The following GEMIN5 variants were observed in gnomAD, a reference collection of about 807,000 sequenced individuals.
The protein encoded by GEMIN5 is gem nuclear organelle associated protein 5.
Under a neutral mutation model 176.9 loss-of-function variants are expected in GEMIN5, and 124 were observed. The observed-to-expected ratio is 0.70, with a 90% CI of 0.61 to 0.81. The LOEUF (loss-of-function observed/expected upper bound fraction) is 0.81, where lower values mean the gene tolerates loss of function less well. Ranked by LOEUF, GEMIN5 falls within the 40% of genes least tolerant of loss-of-function variation. The pLI is 0.00. For missense variants in GEMIN5, 1,843 were observed against 1,814.6 expected (o/e 1.02, Z -0.28); for synonymous variants, 673 against 665.2 (o/e 1.01, Z -0.18).
chr5:154,897,340 G>C (rs1452358191), intron 23 of GEMIN5, among the ~76,000 whole-genome samples: 2 of 152,138 alleles, frequency 1.3e-5, no homozygotes, highest in Non-Finnish European at 2.9e-5. Flanking sequence ...TATCTAAAGT[G>C]AATCAAATGT....
intron 6 of GEMIN5, among the ~76,000 whole-genome samples, chr5:154,928,189 G>C (rs1561727837): frequency 6.6e-6 from 1 of 152,174 alleles, no homozygotes; most frequent in Non-Finnish European, 1.5e-5. Flanking sequence ...TCCAACCTAA[G>C]AGAAAATATT....
At chr5:154,923,619 T>C (rs1156931086) in intron 9 of GEMIN5, among the ~76,000 whole-genome samples, 2 of 152,264 alleles carry the variant, frequency 1.3e-5, no homozygotes, top group Non-Finnish European at 2.9e-5. Flanking sequence ...ATCTGAATTT[T>C]ATTTAATCTT....
chr5:154,922,330 G>A (rs1216263537), intron 9 of GEMIN5, among the ~76,000 whole-genome samples: 1 of 152,058 alleles, frequency 6.6e-6, no homozygotes, highest in East Asian at 1.9e-4. Context: ...ACCAAGCCCG[G>A]CTAATTTTTT....
At chr5:154,913,104 C>G in intron 13 of GEMIN5, 66 bp from the exon 14 acceptor site, 1 of 1,315,284 alleles carries the variant, frequency 7.6e-7, no homozygotes, top group Non-Finnish European at 1.1e-6. Flanking sequence ...CAAAGTACAT[C>G]CAGGAAGGCA....
chr5:154,901,443 T>A lies in GEMIN5; in HGVS notation c.2910A>T (p.Lys970Asn). 6.2e-7 allele frequency: 1 copy of A among 1,614,078 alleles called. No homozygotes were observed. Among genetic ancestry groups the A allele is most frequent in the Non-Finnish European group, 8.5e-7 (1 of 1,179,956 alleles). Reference protein sequence around the residue: ...VWLWAVEAFAKQLCFQDQYVK... With the variant: ...VWLWAVEAFANQLCFQDQYVK... ...CATACTGATCCTGAAAACACAGCTG[T>A]TTGGCAAAAGCTTCCACAGCCCATA... Residue 970 changes from lysine (K) to asparagine (N), a missense_variant, in exon 21 of 28, where the codon AAA (lysine) becomes AAT (asparagine). By Grantham distance (94) the Lys-to-Asn change is moderately conservative. Coordinates refer to ENST00000285873, the MANE Select transcript of GEMIN5 (RefSeq NM_015465.5).
intron 3 of GEMIN5, among the ~76,000 whole-genome samples, chr5:154,935,623 A>C (rs1214381560): frequency 6.6e-6 from 1 of 152,194 alleles, no homozygotes; most frequent in Non-Finnish European, 1.5e-5. Flanking sequence ...GATCCGAAAA[A>C]CGAAGAAAGT....
intron 23 of GEMIN5, among the ~76,000 whole-genome samples, chr5:154,897,299 TAAA>T (rs961648640): frequency 1.3e-5 from 2 of 152,166 alleles, no homozygotes; most frequent in African/African-American, 4.8e-5. Context: ...ATGAAGAACT[TAAA>T]AAACCTCTTG....
intron 15 of GEMIN5, 84 bp from the exon 16 acceptor site, chr5:154,907,902 C>T (rs1229099897): frequency 1.2e-6 from 1 of 866,536 alleles, no homozygotes; most frequent in Non-Finnish European, 1.9e-6. Context: ...ATATCTCATT[C>T]CTCTTTAATA....
chr5:154,890,882 GCCC>G (rs1248888147), intron 26 of GEMIN5, among the ~76,000 whole-genome samples: 1 of 152,092 alleles, frequency 6.6e-6, no homozygotes, highest in Non-Finnish European at 1.5e-5. Flanking sequence ...TCTGGCCTCA[GCCC>G]CCCAAGTAGC....
At position 154,917,986 on chromosome 5, in the gene GEMIN5, T is replaced by C. The variant is rs1763847293; in HGVS notation, c.1618A>G (p.Thr540Ala). ...CCATCTGCTTTCCAACTTATCTCTG[T>C]GTGTACAGGCAATTTGTACTAGAAA... ...NSIKYKLPVH[T>A]EISWKADGKI... Residue 540 changes from threonine (T) to alanine (A), a missense_variant, in exon 12 of 28, where the codon ACA becomes GCA. Coordinates refer to ENST00000285873, the MANE Select transcript of GEMIN5 (RefSeq NM_015465.5). 1.9e-6 allele frequency: 3 copies of C among 1,610,876 alleles called. No individual in the cohort carries two copies. The highest frequency in any genetic ancestry group is 2.2e-5 in the South Asian group (2 of 91,020).
intron 18 of GEMIN5, 77 bp from the exon 19 acceptor site, chr5:154,903,252 T>C: frequency 1.0e-6 from 1 of 958,752 alleles, no homozygotes; most frequent in Non-Finnish European, 1.7e-6. Flanking sequence ...AACTTCCGAA[T>C]ATATGTTTGG....
At position 154,907,496 on chromosome 5, in the gene GEMIN5, T is replaced by C. The variant is rs1012312434; in HGVS notation, c.2395+95A>G. On this transcript the variant is annotated intron_variant, in intron 16 of 27. Transcript: ENST00000285873. ...ATGCTGTTTCCAAGAGTTGGAAAAA[T>C]GGGAACAGCGAAGTTTCAAACTGAG... 1.3e-4 allele frequency: 92 copies of C among 729,016 alleles called. 1 individual carries two copies. Among genetic ancestry groups the C allele is most frequent in the Non-Finnish European group, 1.9e-4 (85 of 452,614 alleles). 45.2% of individuals were successfully genotyped at this position (729,016 alleles called of 1,614,324 possible). A position where few individuals can be genotyped will look rare whatever the true frequency, so the allele number is the denominator to read the frequency against.
Position 154,887,640 on chromosome 5 carries a change from C to G in GEMIN5, c.*570G>C, listed in dbSNP as rs1763137591. ...TACATGAAAGAATAAAACCAAATTT[C>G]CAACCTAAAATTCTGACAGGAGAGT... is the stretch of plus-strand genomic sequence containing the variant. On this transcript the variant is annotated 3_prime_UTR_variant, in exon 28 of 28. Transcript: ENST00000285873. 6.6e-6 allele frequency: 1 copy of G among 152,210 alleles called. No homozygotes were observed. Among genetic ancestry groups the G allele is most frequent in the African/African-American group, 2.4e-5 (1 of 41,438 alleles). 9.4% of individuals were successfully genotyped at this position (152,210 alleles called of 1,614,324 possible).
chr5:154,899,066 A>C lies in GEMIN5; in HGVS notation c.3134+125T>G, dbSNP rs1002078093. 6 of 902,260 alleles carry C rather than the reference A, an allele frequency of 6.6e-6. No individual in the cohort carries two copies. The African/African-American group carries it at 6.7e-5, about 10-fold the overall frequency. The allele number at this position is 902,260 out of a possible 1,614,324, so 55.9% of individuals were successfully genotyped here. A position where few individuals can be genotyped will look rare whatever the true frequency, so the allele number is the denominator to read the frequency against. On this transcript the variant is annotated intron_variant, in intron 22 of 27. Transcript: ENST00000285873. ...TCTTATGAAACTAAGTTGAATATAC[A>C]TATCTTTTAAATAATTCCTTGCTGC... is the stretch of plus-strand genomic sequence containing the variant.
intron 3 of GEMIN5, among the ~76,000 whole-genome samples, chr5:154,934,751 T>G (rs1266721225): frequency 1.3e-5 from 2 of 152,222 alleles, no homozygotes; most frequent in Non-Finnish European, 2.9e-5. Flanking sequence ...TTTAAATTTA[T>G]GGCCACGATT....
chr5:154,936,873 GT>G (rs1764280895), intron 2 of GEMIN5, 151 bp downstream of exon 2: 1 of 622,282 alleles, frequency 1.6e-6, no homozygotes, highest in African/African-American at 1.8e-5. Context: ...TTCAAAAAAA[GT>G]TGAGACATCT....
At chr5:154,930,599 A>C (rs1000576230) in intron 5 of GEMIN5, among the ~76,000 whole-genome samples, 1 of 152,220 alleles carries the variant, frequency 6.6e-6, no homozygotes, top group Non-Finnish European at 1.5e-5. Flanking sequence ...ACAAAAAGAC[A>C]TATCATATGT....
At chr5:154,908,171 CCTTTTTTTT>C (rs917833062) in intron 15 of GEMIN5, among the ~76,000 whole-genome samples, 1 of 88,708 alleles carries the variant, frequency 1.1e-5, no homozygotes, top group Non-Finnish European at 2.2e-5. Flanking sequence ...ACCCAGATGT[CCTTTTTTTT>C]TTTTTTTTTT....
At chr5:154,935,031 C>T (rs1358600690) in intron 3 of GEMIN5, among the ~76,000 whole-genome samples, 1 of 152,186 alleles carries the variant, frequency 6.6e-6, no homozygotes, top group Non-Finnish European at 1.5e-5. Flanking sequence ...TGAATCCAAT[C>T]CCCTCTTGAC....
Sources: gnomAD v4.1 joint callset for allele counts (sites outside exome capture counted in the v4.1 genomes callset) on GRCh38, gnomAD v4.1.1 for gene constraint, MANE v1.5 for transcripts, NCBI Gene and HGNC (gene_info 2026-07-23, HGNC 2026-07-21) for gene names.